SNX25: variants seen among roughly 807,000 people sequenced by gnomAD.
SNX25 encodes the protein sorting nexin-25.
In SNX25, 62 loss-of-function variants were observed where a neutral mutation model predicts 113.7. The ratio of observed to expected loss-of-function variants is 0.55; its 90% CI spans 0.44 to 0.67. The LOEUF (loss-of-function observed/expected upper bound fraction) is 0.67, where lower values mean the gene tolerates loss of function less well. SNX25 is among the 30% of genes least tolerant of loss of function. The pLI is 0.00. For synonymous variants in SNX25, 421 were observed against 436.2 expected, an observed-to-expected ratio of 0.97 and a Z score of 0.43; for missense variants, 1,014 against 1,161.0, an observed-to-expected ratio of 0.87 and a Z score of 1.84.
intron 9 of SNX25, among the ~76,000 whole-genome samples, chr4:185,328,485 A>T (rs2095171655): frequency 6.6e-6 from 1 of 152,172 alleles, no homozygotes; most frequent in Non-Finnish European, 1.5e-5. Context: ...CTAGGAAAAA[A>T]CCTTTTTCAG....
At chr4:185,375,051 A>G (rs1349771129), downstream of SNX25, among the ~76,000 whole-genome samples, 1 of 152,040 alleles carries the variant, frequency 6.6e-6, no homozygotes, top group African/African-American at 2.4e-5. Context: ...CCCCAAATCC[A>G]TCAGACACAA....
At chr4:185,315,439 G>A (rs1450472042) in intron 7 of SNX25, among the ~76,000 whole-genome samples, 3 of 151,362 alleles carry the variant, frequency 2.0e-5, no homozygotes, top group Admixed American at 6.6e-5. Flanking sequence ...AATTACAGGC[G>A]TGCACCACCA....
At chr4:185,214,388 C>T (rs1434436251) in intron 1 of SNX25, among the ~76,000 whole-genome samples, 1 of 113,344 alleles carries the variant, frequency 8.8e-6, no homozygotes, top group Non-Finnish European at 1.8e-5. Flanking sequence ...GAAACTCCAT[C>T]TCTACCAAAA....
intron 12 of SNX25, among the ~76,000 whole-genome samples, chr4:185,343,739 G>T (rs894462395): frequency 6.6e-6 from 1 of 151,986 alleles, no homozygotes; most frequent in Non-Finnish European, 1.5e-5. Context: ...TTGAATTTAG[G>T]TCCATTTTTC....
intron 1 of SNX25, among the ~76,000 whole-genome samples, chr4:185,245,613 A>C (rs76433447): frequency 0.029 from 4,340 of 152,244 alleles, 96 homozygotes; most frequent in Middle Eastern, 0.068. Context: ...TGCTAGGATT[A>C]TAAGCGTAAG....
intron 11 of SNX25, 134 bp from the exon 12 acceptor site, chr4:185,341,842 A>G (rs2095261412): frequency 3.6e-6 from 3 of 827,362 alleles, no homozygotes; most frequent in African/African-American, 3.5e-5. Context: ...AAAATCTATA[A>G]TATTCACAGT....
intron 10 of SNX25, 43 bp from the exon 11 acceptor site, chr4:185,339,336 T>C (rs1337426193): frequency 6.3e-7 from 1 of 1,596,416 alleles, no homozygotes; most frequent in Non-Finnish European, 8.6e-7. Context: ...ATTGCATAGT[T>C]TTAAGTGTTT....
rs1297734890 is a variant in SNX25, at chr4:185,212,493, T to TTTTGTTTTG, written c.429+2241_429+2242insGTTTTGTTT. Among the ~76,000 whole-genome samples the TTTTGTTTTG allele has an allele frequency of 1.4e-4, 11 of 77,080 alleles. 1 individual carries two copies. The highest frequency in any genetic ancestry group is 2.7e-4 in the Non-Finnish European group (10 of 36,542). 50.6% of individuals were successfully genotyped at this position (77,080 alleles called of 152,430 possible). A position where few individuals can be genotyped will look rare whatever the true frequency, so the allele number is the denominator to read the frequency against. ...TGTGTGTGTGTGTGTGTGTGTGTGT[T>TTTTGTTTTG]TTTTTTTTTTTTTGCTTTGAGACAG... On this transcript the variant is annotated intron_variant, in intron 1 of 18. Transcript: ENST00000652585.
chr4:185,211,534 T>C (rs1176598552), intron 1 of SNX25, among the ~76,000 whole-genome samples: 1 of 152,214 alleles, frequency 6.6e-6, no homozygotes, highest in Non-Finnish European at 1.5e-5. Flanking sequence ...ATCAATAAAA[T>C]ATGTCTTAGT....
At chr4:185,295,495 G>A (rs917730011) in intron 6 of SNX25, among the ~76,000 whole-genome samples, 2 of 147,014 alleles carry the variant, frequency 1.4e-5, no homozygotes, top group Non-Finnish European at 3.0e-5. Context: ...TGTCACCCAC[G>A]CTGAAGTGCA....
intron 2 of SNX25, among the ~76,000 whole-genome samples, chr4:185,251,571 G>A (rs1390760824): frequency 6.6e-6 from 1 of 150,378 alleles, no homozygotes; most frequent in Admixed American, 6.6e-5. Context: ...ATTTCCTTCC[G>A]TTTTCAGGCT....
At chr4:185,371,672 A>C (rs3756276), downstream of SNX25, among the ~76,000 whole-genome samples, 8,186 of 151,950 alleles carry the variant, frequency 0.054, 261 homozygotes, top group South Asian at 0.09. Context: ...GGGAGTAGGG[A>C]TGTGGAAAAT....
chr4:185,269,113 G>T (rs1004635191), intron 5 of SNX25, among the ~76,000 whole-genome samples: 3 of 152,102 alleles, frequency 2.0e-5, no homozygotes, highest in African/African-American at 7.2e-5. Flanking sequence ...CAGTATTCCA[G>T]GTTTGTTATG....
chr4:185,253,875 A>G (rs1746019834), intron 2 of SNX25, among the ~76,000 whole-genome samples: 1 of 152,268 alleles, frequency 6.6e-6, no homozygotes, highest in African/African-American at 2.4e-5. Context: ...TTACATACAC[A>G]GGGTCATAAC....
chr4:185,225,302 T>G (rs1560906253), intron 1 of SNX25, among the ~76,000 whole-genome samples: 1 of 152,080 alleles, frequency 6.6e-6, no homozygotes, highest in Non-Finnish European at 1.5e-5. Context: ...ATTTTTGTAT[T>G]TTTAGTAGAG....
chr4:185,242,601 T>C (rs1744234859), intron 1 of SNX25, among the ~76,000 whole-genome samples: 1 of 152,160 alleles, frequency 6.6e-6, no homozygotes, highest in East Asian at 1.9e-4. Flanking sequence ...GTGCGGAGCT[T>C]TCATGCCCTC....
chr4:185,344,095 C>T (rs1421738159), intron 12 of SNX25, among the ~76,000 whole-genome samples: 1 of 152,078 alleles, frequency 6.6e-6, no homozygotes, highest in Non-Finnish European at 1.5e-5. Context: ...GTGGTGCACG[C>T]TTGTAGTCTC....
chr4:185,323,781 T>C lies in SNX25; in HGVS notation c.1730T>C (p.Ile577Thr), dbSNP rs1245386901. 2 of 1,613,176 alleles carry C rather than the reference T, an allele frequency of 1.2e-6. No individual in the cohort carries two copies. Among genetic ancestry groups the C allele is most frequent in the Non-Finnish European group, 8.5e-7 (1 of 1,179,756 alleles). ...GAAGAAAAACATGCCTCACAGATGA[T>C]TTCCAACAAGGATGAGATGGTGAGT... is the stretch of plus-strand genomic sequence containing the variant. The part of the protein sequence containing the change: ...KEEEKHASQM[I>T]SNKDEMGPRD... Residue 577 changes from isoleucine (I) to threonine (T), a missense_variant, in exon 9 of 19, where the codon ATT becomes ACT. Coordinates refer to ENST00000652585, the MANE Select transcript of SNX25 (RefSeq NM_001378034.2).
intron 2 of SNX25, among the ~76,000 whole-genome samples, chr4:185,252,380 G>A (rs1299691245): frequency 2.0e-5 from 3 of 152,126 alleles, no homozygotes; most frequent in Non-Finnish European, 4.4e-5. Flanking sequence ...TTATTAACTA[G>A]CTATAATAGA....
Sources: allele counts gnomAD v4.1 joint callset (sites outside exome capture counted in the v4.1 genomes callset), GRCh38; gene constraint gnomAD v4.1.1; transcripts MANE v1.5; gene names NCBI Gene and HGNC (gene_info 2026-07-23, HGNC 2026-07-21).